Variants in LRRC15 observed in about 807,000 individuals in gnomAD.
The protein encoded by LRRC15 is leucine-rich repeat-containing protein 15.
A neutral mutation model predicts 4.3 loss-of-function variants in LRRC15; 5 were observed. The observed-to-expected ratio is 1.16, with a 90% CI of 0.61 to 2.44. LRRC15 has a LOEUF of 2.44. Ranked by LOEUF, LRRC15 falls within the 30% of genes most tolerant of loss-of-function variation. The pLI, the probability that LRRC15 is intolerant of heterozygous loss-of-function variation, is 0.01. For synonymous variants in LRRC15, 337 were observed against 323.2 expected, an observed-to-expected ratio of 1.04 and a Z score of -0.46; for missense variants, 769 against 747.0, an observed-to-expected ratio of 1.03 and a Z score of -0.34.
intron 1 of LRRC15, among the ~76,000 whole-genome samples, chr3:194,365,261 T>C (rs747441629): frequency 8.5e-5 from 13 of 152,094 alleles, no homozygotes; most frequent in Non-Finnish European, 1.6e-4. Flanking sequence ...TCCTGGGCGC[T>C]CTGATGCATT....
chr3:194,359,162 A>T lies in LRRC15; in HGVS notation c.*136T>A. On this transcript the variant is annotated 3_prime_UTR_variant, in exon 2 of 2. Coordinates refer to ENST00000347624, the MANE Select transcript of LRRC15 (RefSeq NM_130830.5). ...CGGGAGAATCAGGCAAGTCAGGAAGAGGTAGGCTCACCTTTCTCTGGGGCC... is the reference window on the plus strand; with the variant it reads ...CGGGAGAATCAGGCAAGTCAGGAAGTGGTAGGCTCACCTTTCTCTGGGGCC... 1 of 769,386 alleles carries T rather than the reference A, an allele frequency of 1.3e-6. No individual in the cohort carries two copies. Among genetic ancestry groups the T allele is most frequent in the Non-Finnish European group, 2.0e-6 (1 of 490,614 alleles). The allele number at this position is 769,386 out of a possible 1,614,324, so 47.7% of individuals were successfully genotyped here. A position where few individuals can be genotyped will look rare whatever the true frequency, so the allele number is the denominator to read the frequency against.
At chr3:194,363,958 G>A (rs947522980) in intron 1 of LRRC15, among the ~76,000 whole-genome samples, 2 of 152,216 alleles carry the variant, frequency 1.3e-5, no homozygotes, top group African/African-American at 2.4e-5. Flanking sequence ...GATACAGAAA[G>A]AACCTAGCTC....
chr3:194,359,136 A>T lies in LRRC15; in HGVS notation c.*162T>A. ...AAGGTCCGGCACGACCTGCTTCTCT[A>T]CGGGAGAATCAGGCAAGTCAGGAAG... On this transcript the variant is annotated 3_prime_UTR_variant, in exon 2 of 2. Coordinates refer to ENST00000347624, the MANE Select transcript of LRRC15 (RefSeq NM_130830.5). 1 of 634,132 alleles carries T rather than the reference A, an allele frequency of 1.6e-6. No individual in the cohort carries two copies. The highest frequency in any genetic ancestry group is 2.2e-5 in the South Asian group (1 of 44,752). The allele number at this position is 634,132 out of a possible 1,614,324, so 39.3% of individuals were successfully genotyped here.
chr3:194,359,310 G>T lies in LRRC15; in HGVS notation c.1734C>A (p.Pro578=). 1 of 1,592,496 alleles carries T rather than the reference G, an allele frequency of 6.3e-7. No individual in the cohort carries two copies. The highest frequency in any genetic ancestry group is 1.2e-5 in the South Asian group (1 of 86,830). ...CCAGCCTGCCTCTTTAACACTCATT[G>T]GGTGCCTTCATCTGCATCAGGACAG... is the stretch of plus-strand genomic sequence containing the variant. The part of the protein sequence containing the change: ...SQAVLMQMKA[P]NEC The change falls in exon 2 of 2, where the codon CCC becomes CCA. Residue 578 remains proline (P), a synonymous_variant. Transcript: ENST00000347624.
intron 1 of LRRC15, among the ~76,000 whole-genome samples, chr3:194,367,128 C>T (rs549111776): frequency 2.4e-4 from 37 of 152,268 alleles, no homozygotes; most frequent in African/African-American, 8.2e-4. Flanking sequence ...TTCTTTAAGG[C>T]TGCTCTGATG....
chr3:194,365,121 T>C (rs1239428823), intron 1 of LRRC15, among the ~76,000 whole-genome samples: 1 of 152,194 alleles, frequency 6.6e-6, no homozygotes, highest in East Asian at 1.9e-4. Context: ...GCCGAGAGCG[T>C]CGTCAATCAC....
At chr3:194,362,547 G>A (rs571538948) in intron 1 of LRRC15, among the ~76,000 whole-genome samples, 109 of 152,338 alleles carry the variant, frequency 7.2e-4, no homozygotes, top group African/African-American at 2.6e-3. Context: ...GGAAGATGCA[G>A]CAATCACTGC....
intron 1 of LRRC15, among the ~76,000 whole-genome samples, chr3:194,366,219 G>A (rs755032703): frequency 2.0e-5 from 3 of 152,172 alleles, no homozygotes; most frequent in Non-Finnish European, 2.9e-5. Flanking sequence ...CCTCTCCTGG[G>A]GCAGCACATA....
rs754525169 is a variant in LRRC15, at chr3:194,359,319, C to A, written c.1725G>T (p.Met575Ile). Residue 575 changes from methionine to isoleucine, a missense_variant, in exon 2 of 2, where the codon ATG (methionine) becomes ATT (isoleucine). Physicochemically the swap from Met to Ile is conservative, Grantham distance 10 (BLOSUM62 1). Transcript: ENST00000347624. Reference protein sequence around the residue: ...KKRSQAVLMQMKAPNEC With the variant: ...KKRSQAVLMQIKAPNEC The stretch of plus-strand genomic sequence containing the variant: ...CTCTTTAACACTCATTGGGTGCCTT[C>A]ATCTGCATCAGGACAGCTTGGCTCC... 1 of 1,601,112 alleles carries A rather than the reference C, an allele frequency of 6.2e-7. No homozygotes were observed. The highest frequency in any genetic ancestry group is 1.7e-4 in the Middle Eastern group (1 of 5,980).
At position 194,361,034 on chromosome 3, in the gene LRRC15, T is replaced by C. The variant is rs368472312; in HGVS notation, c.10A>G (p.Lys4Glu). The change falls in exon 2 of 2, where the codon AAG (lysine) becomes GAG (glutamate). Residue 4 changes from lysine to glutamate, a missense_variant. Coordinates refer to ENST00000347624, the MANE Select transcript of LRRC15 (RefSeq NM_130830.5). Reference protein sequence around the residue: MPLKHYLLLLVGCQ... With the variant: MPLEHYLLLLVGCQ... The stretch of plus-strand genomic sequence containing the variant: ...CCCACCAGCAAAAGGAGATAATGCT[T>C]CAGTGGCATAGCCTGTGCAAGGGGA... The C allele has an allele frequency of 1.3e-6, 2 of 1,512,420 alleles. No homozygotes were observed. Among genetic ancestry groups the C allele is most frequent in the African/African-American group, 1.4e-5 (1 of 72,208 alleles). The allele number at this position is 1,512,420 out of a possible 1,614,324, so 93.7% of individuals were successfully genotyped here.
intron 1 of LRRC15, among the ~76,000 whole-genome samples, chr3:194,364,442 C>CA (rs1302833824): frequency 6.6e-6 from 1 of 152,208 alleles, no homozygotes; most frequent in African/African-American, 2.4e-5. Flanking sequence ...AACGGTGTCA[C>CA]AGCCCAAGTG....
intron 1 of LRRC15, among the ~76,000 whole-genome samples, chr3:194,367,958 G>A (rs1230625233): frequency 6.6e-6 from 1 of 152,238 alleles, no homozygotes; most frequent in Non-Finnish European, 1.5e-5. Context: ...AGCCTGGCAA[G>A]GGTGGCAGGA....
chr3:194,366,656 G>A (rs942240542), intron 1 of LRRC15, among the ~76,000 whole-genome samples: 2 of 152,066 alleles, frequency 1.3e-5, no homozygotes, highest in South Asian at 2.1e-4. Flanking sequence ...ATTTCTCTCA[G>A]CGGCCCCTTC....
At position 194,360,099 on chromosome 3, in the gene LRRC15, G is replaced by T. The variant is rs199941469; in HGVS notation, c.945C>A (p.Asn315Lys). 1.9e-6 allele frequency: 3 copies of T among 1,614,242 alleles called. No individual in the cohort carries two copies. The highest frequency in any genetic ancestry group is 1.1e-5 in the South Asian group (1 of 91,086). The part of the protein sequence containing the change: ...ISSLPDNVFS[N>K]LRQLQVLILS... ...GAATCAGGACCTGCAACTGGCGGAG[G>T]TTGCTGAAGACATTGTCGGGTAGAG... The change falls in exon 2 of 2, where the codon AAC (asparagine) becomes AAA (lysine). Residue 315 changes from asparagine to lysine, a missense_variant. By Grantham distance (94) the Asn-to-Lys change is moderately conservative. Transcript: ENST00000347624.
intron 1 of LRRC15, chr3:194,363,491 T>A (rs530396701): frequency 3.8e-6 from 2 of 529,416 alleles, no homozygotes; most frequent in African/African-American, 4.0e-5. Context: ...CTAAACAGAA[T>A]ACACCAAAAA....
At chr3:194,367,010 A>G (rs1713801941) in intron 1 of LRRC15, among the ~76,000 whole-genome samples, 1 of 152,238 alleles carries the variant, frequency 6.6e-6, no homozygotes, top group East Asian at 1.9e-4. Context: ...TGCACCCTCC[A>G]GCTTAAATCA....
chr3:194,363,343 G>A (rs1323555156), intron 1 of LRRC15: 2 of 713,216 alleles, frequency 2.8e-6, no homozygotes, highest in Non-Finnish European at 5.2e-6. Flanking sequence ...AAACAAGAAA[G>A]GAAAAAGAAT....
intron 1 of LRRC15, among the ~76,000 whole-genome samples, chr3:194,365,437 C>T (rs1713749677): frequency 1.3e-5 from 2 of 152,292 alleles, no homozygotes; most frequent in African/African-American, 2.4e-5. Context: ...ATTCCCTGAA[C>T]ACGAGGTTTC....
chr3:194,358,088 T>G lies in LRRC15; in HGVS notation c.*1210A>C, dbSNP rs1435543493. 5 of 152,372 alleles carry G rather than the reference T, an allele frequency of 3.3e-5. No individual in the cohort carries two copies. The highest frequency in any genetic ancestry group is 1.2e-4 in the African/African-American group (5 of 41,456). 9.4% of individuals were successfully genotyped at this position (152,372 alleles called of 1,614,324 possible). On this transcript the variant is annotated 3_prime_UTR_variant, in exon 2 of 2. Transcript: ENST00000347624. ...AAAATCTCCTGTTCAGGCCACAGTC[T>G]CCCATCCTGTCCACACCCACATATT...
Sources: allele counts gnomAD v4.1 joint callset (sites outside exome capture counted in the v4.1 genomes callset), GRCh38; gene constraint gnomAD v4.1.1; transcripts MANE v1.5; gene names NCBI Gene and HGNC (gene_info 2026-07-23, HGNC 2026-07-21).